MUC5AC: variants seen among roughly 807,000 people sequenced by gnomAD.
MUC5AC encodes mucin 5AC, oligomeric mucus/gel-forming, also known as mucin-5AC.
A neutral mutation model predicts 169.7 loss-of-function variants in MUC5AC; 158 were observed. The ratio of observed to expected loss-of-function variants is 0.93; its 90% confidence interval spans 0.82 to 1.06. The LOEUF (loss-of-function observed/expected upper bound fraction) is 1.06, where lower values mean the gene tolerates loss of function less well. MUC5AC is among the 50% of genes least tolerant of loss of function. The pLI is 0.00. For missense variants in MUC5AC, 4,359 were observed against 3,089.9 expected, an observed-to-expected ratio of 1.41 and a Z score of -9.74; for synonymous variants, 1,975 against 1,237.0, an observed-to-expected ratio of 1.60 and a Z score of -12.52.
intron 15 of MUC5AC, 128 bp from the exon 16 acceptor site, chr11:1,172,301 G>A (rs1335681264): frequency 2.8e-5 from 11 of 397,914 alleles, no homozygotes; most frequent in Middle Eastern, 1.3e-3. Context: ...GTGTGTAGCA[G>A]GATGAAGGGC....
rs1034285006 is a variant in MUC5AC, at chr11:1,200,496, A to T, written c.16759A>T (p.Thr5587Ser). Residue 5587 changes from threonine (T) to serine (S), a missense_variant, in exon 49 of 49, where the codon ACC becomes TCC. Thr to Ser is a moderately conservative substitution (Grantham distance 58, BLOSUM62 1). Transcript: ENST00000621226. ...HRCQCCQELR[T>S]SLRNVTLHCT... ...GTGCCAGTGCTGCCAGGAGCTGCGGACCTCGCTGAGGAATGTGACCCTGCA... is the reference window on the plus strand; with the variant it reads ...GTGCCAGTGCTGCCAGGAGCTGCGGTCCTCGCTGAGGAATGTGACCCTGCA... 1.3e-6 allele frequency: 1 copy of T among 745,012 alleles called. No individual in the cohort carries two copies. Among genetic ancestry groups the T allele is most frequent in the Non-Finnish European group, 2.4e-6 (1 of 408,660 alleles). 46.2% of individuals were successfully genotyped at this position (745,012 alleles called of 1,614,324 possible). A position where few individuals can be genotyped will look rare whatever the true frequency, so the allele number is the denominator to read the frequency against.
chr11:1,196,580 G>C, intron 38 of MUC5AC, 37 bp from the exon 39 acceptor site: 1 of 761,758 alleles, frequency 1.3e-6, no homozygotes, highest in South Asian at 1.3e-5. Context: ...CTCACCGGAG[G>C]GAAAAAGGAG....
At chr11:1,163,138 A>G (rs1200512246) in intron 6 of MUC5AC, 93 bp downstream of exon 6, 2 of 1,164,886 alleles carry the variant, frequency 1.7e-6, no homozygotes, top group African/African-American at 3.0e-5. Context: ...CCGGGCACAC[A>G]CATGCACAGA....
chr11:1,195,142 G>C lies in MUC5AC; in HGVS notation c.15321G>C (p.Pro5107=), dbSNP rs759628987. The change falls in exon 36 of 49, where the codon CCG becomes CCC. Residue 5107 remains proline, a synonymous_variant. Transcript: ENST00000621226. ...PDQPACHRPH[P]TPTTVGPTTV... is the part of the protein sequence containing the mutation. ...AGCCAGCCTGCCACCGGCCTCACCC[G>C]ACGCCCACCACGGTCGGGCCCACCA... 4 of 761,468 alleles carry C rather than the reference G, an allele frequency of 5.3e-6. No individual in the cohort carries two copies. The South Asian group carries it at 5.4e-5, about 10-fold the overall frequency. The allele number at this position is 761,468 out of a possible 1,614,324, so 47.2% of individuals were successfully genotyped here.
In MUC5AC at chr11:1,167,958, G is replaced by A. The variant is rs140943417; in HGVS notation, c.1468G>A (p.Val490Met). Residue 490 changes from valine (V) to methionine (M), a missense_variant, in exon 12 of 49, where the codon GTG (valine) becomes ATG (methionine). Val to Met is a conservative substitution (Grantham distance 21). Coordinates refer to ENST00000621226, the MANE Select transcript of MUC5AC (RefSeq NM_001304359.2). ...GGACAGCGAGACCTGCCTGAAGAGC[G>A]TGACACTGAGCCTGGATGGGGCGCA... The part of the protein sequence containing the change: ...LTDSETCLKS[V>M]TLSLDGAQTV... The A allele has an allele frequency of 3.7e-5, 57 of 1,550,824 alleles. No homozygotes were observed. Among genetic ancestry groups the A allele is most frequent in the East Asian group, 2.7e-4 (11 of 40,944 alleles).
In MUC5AC at chr11:1,186,793, C is replaced by T. The variant is rs1860958531; in HGVS notation, c.8648C>T (p.Thr2883Ile). ...TTSTTSGPGT[T>I]PSPVPTTSTT... ...AGCACAACCTCTGGCCCTGGAACTACTCCCAGCCCTGTTCCCACCACCAGT... is the reference window on the plus strand; with the variant it reads ...AGCACAACCTCTGGCCCTGGAACTATTCCCAGCCCTGTTCCCACCACCAGT... The change falls in exon 31 of 49, where the codon ACT becomes ATT. Residue 2883 changes from threonine (T) to isoleucine (I), a missense_variant. Physicochemically the swap from Thr to Ile is moderately conservative, Grantham distance 89. Coordinates refer to ENST00000621226, the MANE Select transcript of MUC5AC (RefSeq NM_001304359.2). The T allele has an allele frequency of 1.4e-6, 1 of 740,650 alleles. No individual in the cohort carries two copies. The highest frequency in any genetic ancestry group is 2.5e-6 in the Non-Finnish European group (1 of 406,320). 45.9% of individuals were successfully genotyped at this position (740,650 alleles called of 1,614,324 possible). A position where few individuals can be genotyped will look rare whatever the true frequency, so the allele number is the denominator to read the frequency against.
chr11:1,194,093 C>T lies in MUC5AC; in HGVS notation c.14756-17C>T. 1.3e-6 allele frequency: 1 copy of T among 763,056 alleles called. No homozygotes were observed. The highest frequency in any genetic ancestry group is 2.4e-6 in the Non-Finnish European group (1 of 416,278). 47.3% of individuals were successfully genotyped at this position (763,056 alleles called of 1,614,324 possible). A position where few individuals can be genotyped will look rare whatever the true frequency, so the allele number is the denominator to read the frequency against. ...ACCACCCGAGCCACCCGTAAGGCTG[C>T]CCCTGGGGCCTGGCAGGTGTGTGCA... On this transcript the variant is annotated splice_polypyrimidine_tract_variant and intron_variant, in intron 33 of 48. Coordinates refer to ENST00000621226, the MANE Select transcript of MUC5AC (RefSeq NM_001304359.2).
rs781329025 is a variant in MUC5AC, at chr11:1,193,554, C to T, written c.14650C>T (p.Arg4884Cys). 18 of 763,646 alleles carry T rather than the reference C, an allele frequency of 2.4e-5. No individual in the cohort carries two copies. Among genetic ancestry groups the T allele is most frequent in the Admixed American group, 3.4e-5 (2 of 58,796 alleles). 47.3% of individuals were successfully genotyped at this position (763,646 alleles called of 1,614,324 possible). Residue 4884 changes from arginine (R) to cysteine (C), a missense_variant, in exon 33 of 49, where the codon CGC (arginine) becomes TGC (cysteine). Physicochemically the swap from Arg to Cys is radical, Grantham distance 180. Transcript: ENST00000621226. ...TCEGNNVISL[R>C]PRTCPRVEKP... Reference sequence around the variant, plus strand: ...TGAGGGCAACAACGTCATCTCCCTGCGCCCGCGCACGTGCCCGAGGGTGGA... The same window carrying T: ...TGAGGGCAACAACGTCATCTCCCTGTGCCCGCGCACGTGCCCGAGGGTGGA...
At chr11:1,178,005 G>C (rs1053680069) in intron 24 of MUC5AC, among the ~76,000 whole-genome samples, 2 of 152,142 alleles carry the variant, frequency 1.3e-5, no homozygotes, top group Admixed American at 6.5e-5. Flanking sequence ...CACTTGGATC[G>C]CCGCCCCGTC....
Position 1,179,720 on chromosome 11 carries a change from C to T in MUC5AC, c.3485-302C>T, listed in dbSNP as rs912422123. Among the ~76,000 whole-genome samples, 18 of 151,818 alleles carry T rather than the reference C, an allele frequency of 1.2e-4. No individual in the cohort carries two copies. The South Asian group carries it at 3.3e-3, about 28-fold the overall frequency. On this transcript the variant is annotated intron_variant, in intron 26 of 48. Coordinates refer to ENST00000621226, the MANE Select transcript of MUC5AC (RefSeq NM_001304359.2). The stretch of plus-strand genomic sequence containing the variant: ...AGGGAGGAGGGCGTGGCTGACGGGT[C>T]GCTGGCGTGGTAGAACGTTCTGGGC...
chr11:1,171,579 ATT>A (rs1860539484), intron 15 of MUC5AC, among the ~76,000 whole-genome samples: 1 of 126,354 alleles, frequency 7.9e-6, no homozygotes, highest in African/African-American at 3.1e-5. Flanking sequence ...TCACTTACCC[ATT>A]CACCCACTCA....
rs1207951776 is a variant in MUC5AC at position 1,195,945 on chromosome 11, C to T, written c.15528C>T (p.Cys5176=). ...LFYEGCVFDR[C]HMTDLDVVCS... ...ATGAGGGCTGCGTCTTTGACCGGTGCCACATGACGGACCTGGATGTGGTGT... is the reference window on the plus strand; with the variant it reads ...ATGAGGGCTGCGTCTTTGACCGGTGTCACATGACGGACCTGGATGTGGTGT... The change falls in exon 37 of 49, where the codon TGC becomes TGT. Residue 5176 remains cysteine, a synonymous_variant. Coordinates refer to ENST00000621226, the MANE Select transcript of MUC5AC (RefSeq NM_001304359.2). The T allele has an allele frequency of 1.3e-6, 1 of 764,154 alleles. No homozygotes were observed. Among genetic ancestry groups the T allele is most frequent in the South Asian group, 1.3e-5 (1 of 74,604 alleles). The allele number at this position is 764,154 out of a possible 1,614,324, so 47.3% of individuals were successfully genotyped here.
chr11:1,167,837 G>A (rs1860379865), intron 11 of MUC5AC, 40 bp from the exon 12 acceptor site: 1 of 1,519,314 alleles, frequency 6.6e-7, no homozygotes, highest in Admixed American at 2.0e-5. Context: ...GCTGGGCGTT[G>A]GATGGAGTGT....
At chr11:1,193,031 G>T in intron 32 of MUC5AC, 49 bp downstream of exon 32, 4 of 627,610 alleles carry the variant, frequency 6.4e-6, no homozygotes, top group Middle Eastern at 2.9e-4. Flanking sequence ...CTCCTACAGG[G>T]AACTTGAATG....
Position 1,192,185 on chromosome 11 carries a change from C to T in MUC5AC, c.14040C>T (p.Ser4680=), listed in dbSNP as rs764137797. ...CCAGGCTCCAGTGCCGAGCCGAGAGCCACCCGGAGGTGAACATTGAACACC... is the reference window on the plus strand; with the variant it reads ...CCAGGCTCCAGTGCCGAGCCGAGAGTCACCCGGAGGTGAACATTGAACACC... ...EITRLQCRAE[S]HPEVNIEHLG... The change falls in exon 31 of 49, where the codon AGC becomes AGT. Residue 4680 remains serine, a synonymous_variant. Transcript: ENST00000621226. 1 of 765,012 alleles carries T rather than the reference C, an allele frequency of 1.3e-6. No individual in the cohort carries two copies. Among genetic ancestry groups the T allele is most frequent in the African/African-American group, 1.7e-5 (1 of 59,152 alleles). The allele number at this position is 765,012 out of a possible 1,614,324, so 47.4% of individuals were successfully genotyped here.
rs933109099 is a variant in MUC5AC, at chr11:1,177,650, C to G, written c.3087+17C>G. 5.1e-4 allele frequency: 203 copies of G among 398,512 alleles called. 1 individual carries two copies. Among genetic ancestry groups the G allele is most frequent in the Non-Finnish European group, 5.6e-4 (127 of 226,102 alleles). The allele number at this position is 398,512 out of a possible 1,614,324, so 24.7% of individuals were successfully genotyped here. A position where few individuals can be genotyped will look rare whatever the true frequency, so the allele number is the denominator to read the frequency against. Reference sequence around the variant, plus strand: ...GAGTTCAAGGTGAGACCACGCCCCTCGTCCAGGCCAGGGCCGGCTGGAAAC... The same window carrying G: ...GAGTTCAAGGTGAGACCACGCCCCTGGTCCAGGCCAGGGCCGGCTGGAAAC... On this transcript the variant is annotated intron_variant, in intron 24 of 48. Transcript: ENST00000621226.
At chr11:1,179,880 A>T (rs1197622896) in intron 26 of MUC5AC, 142 bp from the exon 27 acceptor site, 4 of 396,966 alleles carry the variant, frequency 1.0e-5, no homozygotes, top group Non-Finnish European at 1.8e-5. Flanking sequence ...GGGGGTCCCG[A>T]TCTGGCCCAC....
At position 1,193,490 on chromosome 11, in the gene MUC5AC, T is replaced by G. The variant is rs1861176562; in HGVS notation, c.14586T>G (p.Gly4862=). 1.4e-6 allele frequency: 1 copy of G among 736,352 alleles called. No homozygotes were observed. The highest frequency in any genetic ancestry group is 1.4e-5 in the South Asian group (1 of 70,718). The allele number at this position is 736,352 out of a possible 1,614,324, so 45.6% of individuals were successfully genotyped here. The change falls in exon 33 of 49, where the codon GGT becomes GGG. Residue 4862 remains glycine (G), a synonymous_variant. Coordinates refer to ENST00000621226, the MANE Select transcript of MUC5AC (RefSeq NM_001304359.2). ...CPNAVPPRKK[G]ETWATPNCSE... ...AGGTCTCTGTGCTTCTGCAGAAAGG[T>G]GAGACCTGGGCCACACCCAACTGCT...
chr11:1,180,568 G>T, intron 28 of MUC5AC, 52 bp downstream of exon 28: 1 of 398,878 alleles, frequency 2.5e-6, no homozygotes, highest in South Asian at 1.3e-4. Context: ...AGGGGAATTT[G>T]ACCACGGCCT....
Sources: allele counts gnomAD v4.1 joint callset (sites outside exome capture counted in the v4.1 genomes callset), GRCh38; gene constraint gnomAD v4.1.1; transcripts MANE v1.5; gene names NCBI Gene and HGNC (gene_info 2026-07-23, HGNC 2026-07-21).